The following DCLK2 variants were observed in gnomAD, a reference collection of about 807,000 sequenced individuals.
The protein encoded by DCLK2 is doublecortin like kinase 2, also known as serine/threonine-protein kinase DCLK2.
Under a neutral mutation model 78.4 loss-of-function variants are expected in DCLK2, and 31 were observed. The ratio of observed to expected loss-of-function variants is 0.40; its 90% CI spans 0.30 to 0.53. The LOEUF (loss-of-function observed/expected upper bound fraction) is 0.53. DCLK2 is among the 20% of genes least tolerant of loss of function. The probability of loss-of-function intolerance (pLI) is 0.61; values close to 1 mark genes in which losing one functional copy is unlikely to be tolerated. For synonymous variants in DCLK2, 407 were observed against 374.9 expected (o/e 1.09, Z -0.99); for missense variants, 872 against 973.7 (o/e 0.90, Z 1.39).
intron 8 of DCLK2, 27 bp from the exon 9 acceptor site, chr4:150,232,310 C>A: frequency 6.2e-7 from 1 of 1,606,766 alleles, no homozygotes; most frequent in Non-Finnish European, 8.5e-7. Context: ...GATTTCTGAT[C>A]TCCTCTCTAT....
At chr4:150,233,980 C>T (rs1012047416) in intron 10 of DCLK2, among the ~76,000 whole-genome samples, 1 of 152,152 alleles carries the variant, frequency 6.6e-6, no homozygotes, top group Non-Finnish European at 1.5e-5. Context: ...TTCTTTATTT[C>T]CACCTTTCAG....
chr4:150,102,671 A>C lies in DCLK2; in HGVS notation c.615A>C (p.Gly205=), dbSNP rs761984229. ...AGTTAGTGACTGTGATTCGAAGTGG[A>C]GTGAAGCCTAGAAAAGCCGTGCGGA... ...KPKLVTVIRS[G]VKPRKAVRIL... The change falls in exon 2 of 16, where the codon GGA becomes GGC. Residue 205 remains glycine (G), a synonymous_variant. Coordinates refer to ENST00000296550, the MANE Select transcript of DCLK2 (RefSeq NM_001040260.4). The C allele has an allele frequency of 6.2e-7, 1 of 1,614,034 alleles. No individual in the cohort carries two copies. Among genetic ancestry groups the C allele is most frequent in the African/African-American group, 1.3e-5 (1 of 74,916 alleles).
At chr4:150,180,261 A>G (rs6535715) in intron 2 of DCLK2, among the ~76,000 whole-genome samples, 101,340 of 152,022 alleles carry the variant, frequency 0.67, 34,363 homozygotes, top group South Asian at 0.79. Flanking sequence ...TTTTGTGTAA[A>G]ATCGGAATGG....
intron 13 of DCLK2, 43 bp from the exon 14 acceptor site, chr4:150,248,262 C>A: frequency 6.5e-7 from 1 of 1,547,408 alleles, no homozygotes; most frequent in Non-Finnish European, 8.9e-7. Flanking sequence ...GGAATTACCT[C>A]CTTTCTCCTC....
intron 2 of DCLK2, among the ~76,000 whole-genome samples, chr4:150,162,025 G>T (rs1735738031): frequency 6.6e-6 from 1 of 151,924 alleles, no homozygotes; most frequent in Non-Finnish European, 1.5e-5. Context: ...TCTGTTTATT[G>T]GTTTTGATTT....
At chr4:150,121,359 A>G (rs375286019) in intron 2 of DCLK2, among the ~76,000 whole-genome samples, 4 of 152,178 alleles carry the variant, frequency 2.6e-5, no homozygotes, top group South Asian at 2.1e-4. Context: ...CATTTCAACA[A>G]TGTTCATGGC....
At chr4:150,166,671 A>G (rs1736104445) in intron 2 of DCLK2, among the ~76,000 whole-genome samples, 1 of 152,170 alleles carries the variant, frequency 6.6e-6, no homozygotes. Flanking sequence ...TGACTACCTA[A>G]GATGCAAATG....
At chr4:150,131,382 A>T (rs904672149) in intron 2 of DCLK2, among the ~76,000 whole-genome samples, 1 of 152,178 alleles carries the variant, frequency 6.6e-6, no homozygotes, top group African/African-American at 2.4e-5. Flanking sequence ...GGAGGTTTTT[A>T]AAAAAGTAGA....
At chr4:150,204,031 G>A (rs1361983439) in intron 5 of DCLK2, 142 bp downstream of exon 5, 4 of 717,712 alleles carry the variant, frequency 5.6e-6, no homozygotes, top group Non-Finnish European at 6.7e-6. Context: ...ACTTGACTTC[G>A]AATCCTGTGT....
rs567868894 is a variant in DCLK2, at chr4:150,221,011, T to C, written c.1132+233T>C. On this transcript the variant is annotated intron_variant, in intron 6 of 15. Coordinates refer to ENST00000296550, the MANE Select transcript of DCLK2 (RefSeq NM_001040260.4). ...AAGCTTCAGATTTTAGACTTGGGCT[T>C]CTTTTATTTTTGTGGTGATCTGATC... 3.9e-5 allele frequency among the ~76,000 whole-genome samples: 6 copies of C among 152,338 alleles called. No homozygotes were observed. The East Asian group carries it at 1.2e-3, about 29-fold the overall frequency.
chr4:150,207,203 G>A (rs1429598508), intron 5 of DCLK2, among the ~76,000 whole-genome samples: 1 of 152,100 alleles, frequency 6.6e-6, no homozygotes, highest in Non-Finnish European at 1.5e-5. Context: ...ATAAAAGCAA[G>A]CAAACCAAGC....
rs146378161 is a variant in DCLK2, at chr4:150,241,811, G to A, written c.1778+1335G>A. On this transcript the variant is annotated intron_variant, in intron 12 of 15. Coordinates refer to ENST00000296550, the MANE Select transcript of DCLK2 (RefSeq NM_001040260.4). ...AACCACATACAGTGGAAAGGGCAAG[G>A]GAATCTCTGGGGTCTTTTGTAAGGG... is the stretch of plus-strand genomic sequence containing the variant. Among the ~76,000 whole-genome samples, 1,064 of 152,212 alleles carry A rather than the reference G, an allele frequency of 7.0e-3. 8 individuals are homozygous for A. Among genetic ancestry groups the A allele is most frequent in the Admixed American group, 0.012 (181 of 15,298 alleles).
chr4:150,100,458 T>A (rs1730809749), intron 1 of DCLK2, among the ~76,000 whole-genome samples: 1 of 152,194 alleles, frequency 6.6e-6, no homozygotes, highest in Non-Finnish European at 1.5e-5. Flanking sequence ...TCTTGTTTTG[T>A]TTCTTTTTTC....
chr4:150,219,614 C>A (rs959695986), intron 5 of DCLK2, among the ~76,000 whole-genome samples: 1 of 152,130 alleles, frequency 6.6e-6, no homozygotes, highest in Non-Finnish European at 1.5e-5. Context: ...TAAGAAAAGG[C>A]ACTGATAAAC....
chr4:150,211,312 TAAGAG>T (rs1405818537), intron 5 of DCLK2, among the ~76,000 whole-genome samples: 2 of 149,840 alleles, frequency 1.3e-5, no homozygotes, highest in African/African-American at 2.5e-5. Context: ...AACCAAGTGA[TAAGAG>T]AGAGAGAGAG....
chr4:150,244,152 C>T (rs1049875663), intron 12 of DCLK2, among the ~76,000 whole-genome samples: 1 of 152,032 alleles, frequency 6.6e-6, no homozygotes, highest in Non-Finnish European at 1.5e-5. Context: ...CCAGGCTGGT[C>T]TTGAACTCCT....
chr4:150,078,893 C>T lies in DCLK2; in HGVS notation c.-135C>T. The T allele has an allele frequency of 8.3e-7, 1 of 1,203,148 alleles. No homozygotes were observed. Among genetic ancestry groups the T allele is most frequent in the Non-Finnish European group, 1.1e-6 (1 of 908,828 alleles). The allele number at this position is 1,203,148 out of a possible 1,614,324, so 74.5% of individuals were successfully genotyped here. A position where few individuals can be genotyped will look rare whatever the true frequency, so the allele number is the denominator to read the frequency against. ...CTCCGCGGCTCCTCGGCCCCACCTG[C>T]GCGGAGAGGGCGGGATGCCAGAGCC... On this transcript the variant is annotated 5_prime_UTR_variant, in exon 1 of 16. Transcript: ENST00000296550.
chr4:150,119,032 TAAC>T (rs1732320674), intron 2 of DCLK2, among the ~76,000 whole-genome samples: 2 of 56,384 alleles, frequency 3.5e-5, no homozygotes, highest in African/African-American at 1.4e-4. Flanking sequence ...TGTCTCAAAA[TAAC>T]AATAATAATA....
At chr4:150,089,472 T>C (rs1210617473) in intron 1 of DCLK2, among the ~76,000 whole-genome samples, 1 of 152,192 alleles carries the variant, frequency 6.6e-6, no homozygotes, top group African/African-American at 2.4e-5. Flanking sequence ...TTTACAAATA[T>C]TAGGTGGCCA....
Sources: gnomAD v4.1 joint callset for allele counts (sites outside exome capture counted in the v4.1 genomes callset) on GRCh38, gnomAD v4.1.1 for gene constraint, MANE v1.5 for transcripts, NCBI Gene and HGNC (gene_info 2026-07-23, HGNC 2026-07-21) for gene names.